CDH12: variants seen among roughly 807,000 people sequenced by gnomAD.
The protein encoded by CDH12 is cadherin-12.
In CDH12, 41 loss-of-function variants were observed where a neutral mutation model predicts 74.1. The observed-to-expected ratio is 0.55, with a 90% CI of 0.43 to 0.72. CDH12 has a LOEUF of 0.72. Among genes scored for constraint, CDH12 ranks in the 30% least tolerant of loss-of-function variants. The pLI is 0.00. For synonymous variants in CDH12, 399 were observed against 355.0 expected (o/e 1.12, Z -1.39); for missense variants, 945 against 977.2 (o/e 0.97, Z 0.44).
At chr5:21,824,930 G>A (rs572583934) in intron 8 of CDH12, among the ~76,000 whole-genome samples, 1 of 152,178 alleles carries the variant, frequency 6.6e-6, no homozygotes, top group South Asian at 2.1e-4. Flanking sequence ...AAGAGGGGCC[G>A]ATCACCTGAG....
chr5:22,488,583 C>A (rs78062927), intron 2 of CDH12, among the ~76,000 whole-genome samples: 7,002 of 152,218 alleles, frequency 0.046, 221 homozygotes, highest in Middle Eastern at 0.089. Context: ...GCAAACCAAC[C>A]AATCCAGAGG....
chr5:22,711,610 T>C (rs1256691747), intron 1 of CDH12, among the ~76,000 whole-genome samples: 1 of 152,106 alleles, frequency 6.6e-6, no homozygotes, highest in Non-Finnish European at 1.5e-5. Context: ...TGTTTAGAGT[T>C]AAGAATTCCC....
intron 2 of CDH12, among the ~76,000 whole-genome samples, chr5:22,446,474 C>T (rs1315108290): frequency 6.6e-6 from 1 of 152,064 alleles, no homozygotes; most frequent in Non-Finnish European, 1.5e-5. Context: ...AAATCTTCCA[C>T]CTGAAAAATC....
intron 6 of CDH12, among the ~76,000 whole-genome samples, chr5:21,937,767 A>G (rs1755141688): frequency 1.3e-5 from 2 of 152,162 alleles, no homozygotes; most frequent in Admixed American, 1.3e-4. Flanking sequence ...CAGTTTCAGT[A>G]AGGGCTGCAG....
intron 2 of CDH12, among the ~76,000 whole-genome samples, chr5:22,445,013 A>G (rs1225825780): frequency 2.0e-5 from 3 of 152,122 alleles, no homozygotes; most frequent in African/African-American, 7.2e-5. Context: ...TTGAATTTCA[A>G]TTAGAGAACT....
intron 1 of CDH12, among the ~76,000 whole-genome samples, chr5:22,547,834 T>C (rs1480444165): frequency 6.6e-6 from 1 of 152,028 alleles, no homozygotes; most frequent in African/African-American, 2.4e-5. Context: ...GAGTAGGGGA[T>C]TGGAATATTG....
chr5:22,205,574 T>C (rs918093183), intron 4 of CDH12, among the ~76,000 whole-genome samples: 2 of 152,122 alleles, frequency 1.3e-5, no homozygotes, highest in East Asian at 1.9e-4. Context: ...GAAAGAAATA[T>C]GGCAGTTGAG....
In CDH12 at chr5:22,232,193, T is replaced by C. The variant is rs184642944; in HGVS notation, c.-332-19550A>G. 1.6e-3 allele frequency among the ~76,000 whole-genome samples: 247 copies of C among 151,950 alleles called. 4 individuals carry two copies. The highest frequency in any genetic ancestry group is 5.6e-3 in the African/African-American group (231 of 41,558). ...ATTCGTGTGCTTAGTTTGTATTTAA[T>C]CTTAATAAATATATAAAAACAATTT... is the stretch of plus-strand genomic sequence containing the variant. On this transcript the variant is annotated intron_variant, in intron 3 of 14. Transcript: ENST00000382254.
At chr5:22,304,850 A>G (rs1210126826) in intron 3 of CDH12, among the ~76,000 whole-genome samples, 1 of 152,222 alleles carries the variant, frequency 6.6e-6, no homozygotes, top group Non-Finnish European at 1.5e-5. Context: ...TGGTTAATCA[A>G]GAAAATAGCT....
chr5:22,839,427 C>T (rs530159418), intron 1 of CDH12, among the ~76,000 whole-genome samples: 8 of 146,626 alleles, frequency 5.5e-5, no homozygotes, highest in South Asian at 2.2e-4. Context: ...GGTGCTATCT[C>T]GGCTCACTGC....
chr5:22,532,514 A>C (rs746176142), intron 1 of CDH12, among the ~76,000 whole-genome samples: 3 of 150,860 alleles, frequency 2.0e-5, no homozygotes, highest in Non-Finnish European at 3.0e-5. Flanking sequence ...TTTAGACAGG[A>C]TTTCCAGAGC....
At chr5:22,316,362 AAAAAT>A (rs1176795893) in intron 3 of CDH12, among the ~76,000 whole-genome samples, 1 of 152,134 alleles carries the variant, frequency 6.6e-6, no homozygotes, top group Non-Finnish European at 1.5e-5. Flanking sequence ...AAAATATGTT[AAAAAT>A]AAAAAGTTTG....
chr5:22,532,949 A>G (rs980855580), intron 1 of CDH12, among the ~76,000 whole-genome samples: 15 of 152,070 alleles, frequency 9.9e-5, no homozygotes, highest in Non-Finnish European at 2.9e-5. Context: ...ATAAAAATAT[A>G]ATATTATCAT....
At chr5:22,647,899 G>A (rs1207892413) in intron 1 of CDH12, among the ~76,000 whole-genome samples, 1 of 151,682 alleles carries the variant, frequency 6.6e-6, no homozygotes, top group East Asian at 1.9e-4. Flanking sequence ...TCTTATAAAT[G>A]TTTCCTTTCT....
intron 6 of CDH12, among the ~76,000 whole-genome samples, chr5:21,872,957 T>C (rs1353514769): frequency 7.0e-6 from 1 of 143,414 alleles, no homozygotes; most frequent in African/African-American, 2.6e-5. Flanking sequence ...TATCTCTCTA[T>C]GTAGTTTTAA....
chr5:22,642,917 A>C (rs1171069732), intron 1 of CDH12, among the ~76,000 whole-genome samples: 6 of 152,118 alleles, frequency 3.9e-5, no homozygotes, highest in Admixed American at 3.3e-4. Flanking sequence ...TCTAGAATTG[A>C]CTTGACTTTT....
rs1252682976 is a variant in CDH12, at chr5:22,677,871, A to T, written c.-522-172507T>A. On this transcript the variant is annotated intron_variant, in intron 1 of 14. Coordinates refer to ENST00000382254, the MANE Select transcript of CDH12 (RefSeq NM_004061.5). ...CTGAGATCAGGGTGCCAACGTGGTTAGGTTCTAGTGAAGGACCTCTTCCTG... is the reference window on the plus strand; with the variant it reads ...CTGAGATCAGGGTGCCAACGTGGTTTGGTTCTAGTGAAGGACCTCTTCCTG... 3.3e-5 allele frequency among the ~76,000 whole-genome samples: 5 copies of T among 152,206 alleles called. No individual in the cohort carries two copies. The South Asian group carries it at 6.2e-4, about 19-fold the overall frequency.
chr5:22,088,824 T>C (rs1172480118), intron 4 of CDH12, among the ~76,000 whole-genome samples: 1 of 152,174 alleles, frequency 6.6e-6, no homozygotes, highest in African/African-American at 2.4e-5. Context: ...AGGTAATTTA[T>C]ACACAGTAAG....
chr5:22,161,843 A>G (rs1359201126), intron 4 of CDH12, among the ~76,000 whole-genome samples: 1 of 151,940 alleles, frequency 6.6e-6, no homozygotes, highest in Non-Finnish European at 1.5e-5. Flanking sequence ...GATACTAGAG[A>G]AATATATATT....
Sources: gnomAD v4.1 joint callset for allele counts (sites outside exome capture counted in the v4.1 genomes callset) on GRCh38, gnomAD v4.1.1 for gene constraint, MANE v1.5 for transcripts, NCBI Gene and HGNC (gene_info 2026-07-23, HGNC 2026-07-21) for gene names.